SHISA9: variants seen among roughly 807,000 people sequenced by gnomAD.
The protein encoded by SHISA9 is protein shisa-9.
Under a neutral mutation model 38.0 loss-of-function variants are expected in SHISA9, and 13 were observed. The observed-to-expected ratio is 0.34, with a 90% CI of 0.22 to 0.54. The LOEUF is 0.54. SHISA9 is among the 20% of genes least tolerant of loss of function. SHISA9 has a pLI of 0.91. For synonymous variants in SHISA9, 275 were observed against 242.0 expected, an observed-to-expected ratio of 1.14 and a Z score of -1.27; for missense variants, 538 against 575.8, an observed-to-expected ratio of 0.93 and a Z score of 0.67.
chr16:12,941,978 G>A (rs1429151709), intron 2 of SHISA9, among the ~76,000 whole-genome samples: 2 of 152,192 alleles, frequency 1.3e-5, no homozygotes, highest in African/African-American at 4.8e-5. Flanking sequence ...CACAGTGGCG[G>A]GTTTTGTTTT....
intron 2 of SHISA9, among the ~76,000 whole-genome samples, chr16:13,111,100 A>C (rs974752275): frequency 1.9e-4 from 29 of 152,204 alleles, no homozygotes; most frequent in African/African-American, 7.0e-4. Flanking sequence ...CCTAAGAGAA[A>C]ACCTAGGCAA....
chr16:13,074,906 C>A (rs2073563509), intron 2 of SHISA9, among the ~76,000 whole-genome samples: 1 of 152,212 alleles, frequency 6.6e-6, no homozygotes, highest in Non-Finnish European at 1.5e-5. Context: ...TCAGGTGATC[C>A]ACCTGTCTCG....
chr16:13,546,049 C>T, the SHISA9 span, among the ~76,000 whole-genome samples: 2 of 152,092 alleles, frequency 1.3e-5, no homozygotes, highest in Non-Finnish European at 2.9e-5. Context: ...AGGAAGGGGG[C>T]CCAGAGAACA....
At chr16:13,394,580 T>G in the SHISA9 span, among the ~76,000 whole-genome samples, 1 of 152,304 alleles carries the variant, frequency 6.6e-6, no homozygotes, top group African/African-American at 2.4e-5. Context: ...TGACTTGGCT[T>G]TCTCGTTCTC....
At chr16:13,386,924 G>C in the SHISA9 span, among the ~76,000 whole-genome samples, 1 of 152,004 alleles carries the variant, frequency 6.6e-6, no homozygotes, top group African/African-American at 2.4e-5. Flanking sequence ...ATTCATATGC[G>C]TGTCTCTCTG....
chr16:12,990,434 A>C (rs1353370183), intron 2 of SHISA9, among the ~76,000 whole-genome samples: 1 of 152,180 alleles, frequency 6.6e-6, no homozygotes, highest in Non-Finnish European at 1.5e-5. Flanking sequence ...CAGCAACCTC[A>C]CCAGCATCTG....
At chr16:13,219,118 C>T (rs979065427) in intron 4 of SHISA9, among the ~76,000 whole-genome samples, 1 of 152,160 alleles carries the variant, frequency 6.6e-6, no homozygotes, top group Non-Finnish European at 1.5e-5. Flanking sequence ...TCCTTGGGAA[C>T]CCATAGGGCA....
At chr16:13,140,323 C>G (rs1055735827) in intron 2 of SHISA9, among the ~76,000 whole-genome samples, 3 of 151,782 alleles carry the variant, frequency 2.0e-5, no homozygotes, top group South Asian at 4.2e-4. Flanking sequence ...GTCACAGGTG[C>G]CCACCACCAC....
intron 2 of SHISA9, among the ~76,000 whole-genome samples, chr16:13,006,898 A>G (rs1363854784): frequency 3.3e-5 from 5 of 151,980 alleles, no homozygotes; most frequent in African/African-American, 1.2e-4. Flanking sequence ...CTCTCTGACC[A>G]TTCAGCTCAG....
chr16:13,384,639 A>G, the SHISA9 span, among the ~76,000 whole-genome samples: 3 of 152,332 alleles, frequency 2.0e-5, 1 homozygote, highest in South Asian at 6.2e-4. Flanking sequence ...CTTTAAGGAC[A>G]AGAAGTCCAT....
At chr16:13,296,792 G>A in the SHISA9 span, among the ~76,000 whole-genome samples, 2 of 147,838 alleles carry the variant, frequency 1.4e-5, no homozygotes, top group South Asian at 2.2e-4. Flanking sequence ...TTGGGAGGCT[G>A]AGGCAGGAGA....
chr16:12,905,133 T>G (rs565182904), intron 1 of SHISA9, among the ~76,000 whole-genome samples: 16 of 151,894 alleles, frequency 1.1e-4, no homozygotes, highest in African/African-American at 2.9e-4. Flanking sequence ...TGTACTGGGG[T>G]GTGTGTGTGT....
At chr16:13,013,783 A>G (rs547914843) in intron 2 of SHISA9, among the ~76,000 whole-genome samples, 1 of 151,864 alleles carries the variant, frequency 6.6e-6, no homozygotes, top group South Asian at 2.1e-4. Flanking sequence ...GCTGGAGTGC[A>G]GTGGCGAGAT....
the SHISA9 span, among the ~76,000 whole-genome samples, chr16:13,463,084 G>A: frequency 2.0e-5 from 3 of 152,172 alleles, no homozygotes; most frequent in African/African-American, 4.8e-5. Flanking sequence ...TGAGCCTGGG[G>A]GGGGAAGGTT....
chr16:13,038,164 A>G (rs2141885090), intron 2 of SHISA9, among the ~76,000 whole-genome samples: 1 of 152,088 alleles, frequency 6.6e-6, no homozygotes, highest in Admixed American at 6.5e-5. Flanking sequence ...TAATTTTTGT[A>G]TTTTTAGTAG....
the SHISA9 span, among the ~76,000 whole-genome samples, chr16:13,278,743 A>G: frequency 6.6e-6 from 1 of 152,072 alleles, no homozygotes; most frequent in East Asian, 1.9e-4. Context: ...TTTCTATTTC[A>G]GTGGTGTCAG....
At chr16:13,062,494 T>A (rs1210901285) in intron 2 of SHISA9, among the ~76,000 whole-genome samples, 1 of 152,114 alleles carries the variant, frequency 6.6e-6, no homozygotes, top group African/African-American at 2.4e-5. Flanking sequence ...TCCTTTTGGG[T>A]CTTGAGTAGC....
chr16:13,529,643 A>G, the SHISA9 span, among the ~76,000 whole-genome samples: 1 of 152,242 alleles, frequency 6.6e-6, no homozygotes, highest in Non-Finnish European at 1.5e-5. Context: ...TTGGCTCAGA[A>G]TAAACCTCCT....
chr16:13,221,744 C>T (rs1336732828), intron 4 of SHISA9, among the ~76,000 whole-genome samples: 1 of 152,158 alleles, frequency 6.6e-6, no homozygotes, highest in Non-Finnish European at 1.5e-5. Context: ...ACATTTTCCT[C>T]ATCCCAGAAA....
Sources: allele counts gnomAD v4.1 joint callset (sites outside exome capture counted in the v4.1 genomes callset), GRCh38; gene constraint gnomAD v4.1.1; transcripts MANE v1.5; gene names NCBI Gene and HGNC (gene_info 2026-07-23, HGNC 2026-07-21).